SLC35D2: variants seen among roughly 807,000 people sequenced by gnomAD.
SLC35D2 encodes nucleotide sugar transporter SLC35D2.
In SLC35D2, 43 loss-of-function variants were observed where a neutral mutation model predicts 41.8. That is an observed-to-expected ratio of 1.03 (90% CI 0.81 to 1.33). The LOEUF (loss-of-function observed/expected upper bound fraction) is 1.33, where lower values mean the gene tolerates loss of function less well. Ranked by LOEUF, SLC35D2 falls within the 40% of genes most tolerant of loss-of-function variation. The pLI is 0.00. For missense variants in SLC35D2, 380 were observed against 408.4 expected (o/e 0.93, Z 0.60); for synonymous variants, 150 against 163.9 (o/e 0.92, Z 0.65).
intron 1 of SLC35D2, among the ~76,000 whole-genome samples, chr9:96,374,269 G>A (rs770430883): frequency 1.1e-4 from 17 of 151,962 alleles, no homozygotes; most frequent in Non-Finnish European, 2.2e-4. Flanking sequence ...GGTGGCTCAC[G>A]CACGGCCTGT....
At chr9:96,368,693 T>C (rs931660897) in intron 1 of SLC35D2, among the ~76,000 whole-genome samples, 1 of 149,424 alleles carries the variant, frequency 6.7e-6, no homozygotes, top group Non-Finnish European at 1.5e-5. Flanking sequence ...CACACATATA[T>C]ATATGTGTAT....
chr9:96,328,417 G>T (rs947779407), intron 9 of SLC35D2, among the ~76,000 whole-genome samples: 1 of 152,108 alleles, frequency 6.6e-6, no homozygotes, highest in African/African-American at 2.4e-5. Flanking sequence ...CGCCCAGCGT[G>T]CTCTGTATTT....
intron 9 of SLC35D2, among the ~76,000 whole-genome samples, chr9:96,329,405 C>A (rs1240208671): frequency 1.3e-5 from 2 of 151,860 alleles, no homozygotes; most frequent in African/African-American, 4.8e-5. Context: ...TAACTTTTTT[C>A]TGTAGAAATG....
chr9:96,329,239 A>C (rs570694085), intron 9 of SLC35D2, among the ~76,000 whole-genome samples: 1 of 152,086 alleles, frequency 6.6e-6, no homozygotes, highest in Non-Finnish European at 1.5e-5. Flanking sequence ...TTATATATAT[A>C]CTTTTTTTAG....
At chr9:96,375,233 C>A (rs2131029684) in intron 1 of SLC35D2, among the ~76,000 whole-genome samples, 1 of 151,712 alleles carries the variant, frequency 6.6e-6, no homozygotes, top group East Asian at 2.0e-4. Flanking sequence ...CTCAGGTGAT[C>A]CGCCCACCTG....
At chr9:96,372,574 C>CTTTTTTTTTT (rs71368250) in intron 1 of SLC35D2, among the ~76,000 whole-genome samples, 1 of 90,142 alleles carries the variant, frequency 1.1e-5, no homozygotes, top group Non-Finnish European at 2.1e-5. Flanking sequence ...TAAATAATTA[C>CTTTTTTTTTT]TTTTTTTTTT....
chr9:96,381,652 T>C (rs1831204069), intron 1 of SLC35D2, among the ~76,000 whole-genome samples: 2 of 152,228 alleles, frequency 1.3e-5, no homozygotes, highest in South Asian at 2.1e-4. Context: ...GGCTCATTTA[T>C]TGGTCCACAA....
chr9:96,370,224 G>T (rs1487359614), intron 1 of SLC35D2, among the ~76,000 whole-genome samples: 1 of 152,196 alleles, frequency 6.6e-6, no homozygotes, highest in Non-Finnish European at 1.5e-5. Context: ...GACTGCCTCA[G>T]AGCCCAACTT....
intron 4 of SLC35D2, among the ~76,000 whole-genome samples, chr9:96,357,993 T>C (rs575431959): frequency 2.6e-4 from 39 of 151,440 alleles, no homozygotes; most frequent in African/African-American, 9.5e-4. Flanking sequence ...TGAGCTGTGA[T>C]CGCACCACTG....
chr9:96,315,646 G>A (rs961185574), intron 11 of SLC35D2, among the ~76,000 whole-genome samples: 2 of 152,028 alleles, frequency 1.3e-5, no homozygotes, highest in African/African-American at 4.8e-5. Flanking sequence ...TGTTAGCCGG[G>A]ATGGTCTCCA....
intron 8 of SLC35D2, among the ~76,000 whole-genome samples, chr9:96,337,338 T>C (rs1829091473): frequency 6.6e-6 from 1 of 151,992 alleles, no homozygotes; most frequent in Non-Finnish European, 1.5e-5. Context: ...CTCAGTCTCC[T>C]GAGTAGCTGG....
intron 1 of SLC35D2, among the ~76,000 whole-genome samples, chr9:96,378,170 A>G (rs927683440): frequency 2.6e-5 from 4 of 152,040 alleles, no homozygotes; most frequent in African/African-American, 9.7e-5. Flanking sequence ...ACAATGGCTC[A>G]TGCCTGTAAT....
At chr9:96,356,837 C>T (rs1407959586) in intron 4 of SLC35D2, among the ~76,000 whole-genome samples, 1 of 151,846 alleles carries the variant, frequency 6.6e-6, no homozygotes, top group African/African-American at 2.4e-5. Context: ...ACTGTGCTAC[C>T]ACACTCCAGC....
Position 96,360,169 on chromosome 9 carries a change from C to T in SLC35D2, c.332G>A (p.Ser111Asn). ...YVGNHISGLS[S>N]TSKLSLPMFT... ...TATACTCTACCTTAATTTACTTGTG[C>T]TTGATAATCCACTTATGTGGTTTCC... Residue 111 changes from serine to asparagine, a missense_variant, in exon 4 of 12, where the codon AGC (serine) becomes AAC (asparagine). Ser to Asn is a conservative substitution (Grantham distance 46, BLOSUM62 1). Coordinates refer to ENST00000253270, the MANE Select transcript of SLC35D2 (RefSeq NM_007001.3). 6.2e-7 allele frequency: 1 copy of T among 1,612,360 alleles called. No individual in the cohort carries two copies. The highest frequency in any genetic ancestry group is 8.5e-7 in the Non-Finnish European group (1 of 1,178,880).
Position 96,324,801 on chromosome 9 carries a change from C to T in SLC35D2, c.753-632G>A, listed in dbSNP as rs555466832. 4.5e-4 allele frequency among the ~76,000 whole-genome samples: 68 copies of T among 152,010 alleles called. 1 individual carries two copies. The South Asian group carries it at 0.012, about 27-fold the overall frequency. ...AACTCCTGAGCTCAGGCAATCCACC[C>T]GCCTTGGCCTCCCAAAGTGCTAGGA... On this transcript the variant is annotated intron_variant, in intron 9 of 11. Coordinates refer to ENST00000253270, the MANE Select transcript of SLC35D2 (RefSeq NM_007001.3).
At chr9:96,319,939 G>A (rs901623884), downstream of SLC35D2, among the ~76,000 whole-genome samples, 3 of 152,184 alleles carry the variant, frequency 2.0e-5, no homozygotes, top group Admixed American at 6.6e-5. Context: ...AGGCCACAAC[G>A]GGCCAAGTGA....
intron 11 of SLC35D2, among the ~76,000 whole-genome samples, chr9:96,315,269 G>A (rs574580838): frequency 6.3e-5 from 9 of 142,196 alleles, no homozygotes; most frequent in South Asian, 2.2e-4. Context: ...ACAGGCATGC[G>A]CCACCATGCC....
chr9:96,322,717 G>GTTTTTTTTT (rs57493593), intron 10 of SLC35D2, among the ~76,000 whole-genome samples: 63 of 111,416 alleles, frequency 5.7e-4, no homozygotes, highest in African/African-American at 7.7e-4. Flanking sequence ...GTTTTCTGGG[G>GTTTTTTTTT]TTTTTTTTTT....
intron 2 of SLC35D2, among the ~76,000 whole-genome samples, chr9:96,364,865 C>T (rs1830414569): frequency 6.6e-6 from 1 of 151,522 alleles, no homozygotes; most frequent in African/African-American, 2.4e-5. Flanking sequence ...CCAGCCAGGC[C>T]AACATGGTGA....
Sources: gnomAD v4.1 joint callset for allele counts (sites outside exome capture counted in the v4.1 genomes callset) on GRCh38, gnomAD v4.1.1 for gene constraint, MANE v1.5 for transcripts, NCBI Gene and HGNC (gene_info 2026-07-23, HGNC 2026-07-21) for gene names.